RBM34: variants seen among roughly 807,000 people sequenced by gnomAD.
RBM34 encodes RNA-binding protein 34.
RBM34 carries 39 observed loss-of-function variants against 44.6 expected under a neutral mutation model. The ratio of observed to expected loss-of-function variants is 0.87; its 90% CI spans 0.68 to 1.14. The LOEUF (loss-of-function observed/expected upper bound fraction) is 1.14, where lower values mean the gene tolerates loss of function less well. RBM34 is among the 50% of genes most tolerant of loss of function. The pLI is 0.00. For synonymous variants in RBM34, 194 were observed against 184.0 expected, an observed-to-expected ratio of 1.05 and a Z score of -0.44; for missense variants, 572 against 517.9, an observed-to-expected ratio of 1.10 and a Z score of -1.01.
At chr1:235,159,773 C>G (rs1662616418) in intron 3 of RBM34, among the ~76,000 whole-genome samples, 1 of 147,508 alleles carries the variant, frequency 6.8e-6, no homozygotes, top group African/African-American at 2.5e-5. Flanking sequence ...AGGCCTGAGG[C>G]AGGAAAAATC....
chr1:235,154,285 A>G (rs1026320309), intron 4 of RBM34, among the ~76,000 whole-genome samples: 1 of 151,756 alleles, frequency 6.6e-6, no homozygotes, highest in African/African-American at 2.4e-5. Context: ...ATGATGAAAA[A>G]AGAGGATCAG....
chr1:235,146,510 C>T (rs985625363), intron 6 of RBM34, among the ~76,000 whole-genome samples: 6 of 152,052 alleles, frequency 3.9e-5, no homozygotes, highest in Non-Finnish European at 5.9e-5. Flanking sequence ...AACATCTATG[C>T]GTATCAGTTT....
intron 6 of RBM34, among the ~76,000 whole-genome samples, chr1:235,144,499 TAAA>T (rs67277220): frequency 9.1e-5 from 12 of 132,234 alleles, no homozygotes; most frequent in Non-Finnish European, 1.6e-5. Flanking sequence ...CTTAATAAAC[TAAA>T]AAAAAAAAAA....
chr1:235,148,164 C>T (rs1012684038), intron 6 of RBM34, among the ~76,000 whole-genome samples: 23 of 152,206 alleles, frequency 1.5e-4, no homozygotes, highest in Non-Finnish European at 2.9e-4. Context: ...TAAAAACATT[C>T]TTAAAATTTC....
rs999734669 is a variant in RBM34 at position 235,160,350 on chromosome 1, G to A, written c.365+161C>T. ...TAATTGCTGATGCTGAGTACACGGG[G>A]TTTCTTAGCCTTTTCAACTTTTCTA... On this transcript the variant is annotated intron_variant, in intron 3 of 10. Transcript: ENST00000408888. 29 of 915,974 alleles carry A rather than the reference G, an allele frequency of 3.2e-5. No homozygotes were observed. In the Admixed American group the frequency reaches 5.8e-4, roughly 18 times the overall value. 56.7% of individuals were successfully genotyped at this position (915,974 alleles called of 1,614,324 possible). A position where few individuals can be genotyped will look rare whatever the true frequency, so the allele number is the denominator to read the frequency against.
At chr1:235,151,487 C>T (rs1662155915) in intron 5 of RBM34, among the ~76,000 whole-genome samples, 2 of 152,242 alleles carry the variant, frequency 1.3e-5, no homozygotes, top group African/African-American at 4.8e-5. Flanking sequence ...CTTTGGGTAA[C>T]GTCTACTTCT....
chr1:235,158,936 A>G (rs1335856133), intron 3 of RBM34, among the ~76,000 whole-genome samples: 2 of 150,964 alleles, frequency 1.3e-5, no homozygotes, highest in African/African-American at 4.9e-5. Context: ...TGGGCAACAT[A>G]GCAAGACCCT....
intron 6 of RBM34, among the ~76,000 whole-genome samples, chr1:235,139,765 G>C (rs1661596208): frequency 6.6e-6 from 1 of 152,222 alleles, no homozygotes; most frequent in Non-Finnish European, 1.5e-5. Context: ...CCAGCAGCTA[G>C]AAGCTAAGGA....
chr1:235,140,937 C>T lies in RBM34; in HGVS notation c.702-2763G>A, dbSNP rs1661658060. ...GCTCAGGGATTGTAAATACACCAAT[C>T]AGCACTCTGTATCTAGCTCAAGGTT... On this transcript the variant is annotated intron_variant, in intron 6 of 10. Coordinates refer to ENST00000408888, the MANE Select transcript of RBM34 (RefSeq NM_015014.4). Among the ~76,000 whole-genome samples the T allele has an allele frequency of 2.0e-5, 3 of 152,076 alleles. No homozygotes were observed. In the South Asian group the frequency reaches 6.2e-4, roughly 32 times the overall value.
At position 235,131,888 on chromosome 1, in the gene RBM34, G is replaced by T. The variant is rs749691830; in HGVS notation, c.1118C>A (p.Ser373Ter). 26 of 1,613,934 alleles carry T rather than the reference G, an allele frequency of 1.6e-5. No homozygotes were observed. The highest frequency in any genetic ancestry group is 5.0e-5 in the Admixed American group (3 of 59,970). Reference sequence around the variant, plus strand: ...ACTGACATTCTTCAATCGTGGATTTGAATTTTGTTGTTTAAATTTTTCTTT... The same window carrying T: ...ACTGACATTCTTCAATCGTGGATTTTAATTTTGTTGTTTAAATTTTTCTTT... ...VNKEKFKQQN[S>*]NPRLKNVSKP... The change falls in exon 11 of 11, where the codon TCA becomes TAA. Residue 373 changes from serine to a stop codon, truncating the protein, a stop_gained. Transcript: ENST00000408888. LOFTEE classifies it high-confidence loss of function.
At chr1:235,155,374 C>G (rs1166552144) in intron 3 of RBM34, among the ~76,000 whole-genome samples, 1 of 151,700 alleles carries the variant, frequency 6.6e-6, no homozygotes, top group East Asian at 1.9e-4. Context: ...CAGGGTCTTG[C>G]TCTGTCACCC....
At chr1:235,148,759 C>T (rs867273336) in intron 5 of RBM34, among the ~76,000 whole-genome samples, 6 of 151,926 alleles carry the variant, frequency 3.9e-5, no homozygotes, top group East Asian at 2.0e-4. Flanking sequence ...CCACCACGCC[C>T]GGCTAATTTT....
intron 6 of RBM34, among the ~76,000 whole-genome samples, chr1:235,138,603 A>G (rs962973785): frequency 1.3e-5 from 2 of 152,168 alleles, no homozygotes; most frequent in Admixed American, 6.6e-5. Context: ...CAACAGCTCA[A>G]CGTGCCTTGT....
At chr1:235,152,245 C>A (rs538821628) in intron 5 of RBM34, among the ~76,000 whole-genome samples, 1 of 152,022 alleles carries the variant, frequency 6.6e-6, no homozygotes, top group Non-Finnish European at 1.5e-5. Flanking sequence ...CTGGTAAAAT[C>A]CAACTCACTT....
chr1:235,160,119 TG>T, intron 3 of RBM34: 1 of 324,828 alleles, frequency 3.1e-6, no homozygotes, highest in South Asian at 2.6e-5. Flanking sequence ...CTGGGCATGG[TG>T]ACGCAGGCCT....
chr1:235,149,876 A>C (rs992523130), intron 5 of RBM34, among the ~76,000 whole-genome samples: 1 of 152,242 alleles, frequency 6.6e-6, no homozygotes, highest in African/African-American at 2.4e-5. Flanking sequence ...TAGTAAAACT[A>C]TGAAATTTTA....
chr1:235,145,250 G>A (rs1162665226), intron 6 of RBM34, among the ~76,000 whole-genome samples: 1 of 150,138 alleles, frequency 6.7e-6, no homozygotes, highest in Non-Finnish European at 1.5e-5. Flanking sequence ...CCACACTCAG[G>A]TTTCCAACAA....
chr1:235,138,267 A>G (rs938594652), intron 6 of RBM34, 93 bp from the exon 7 acceptor site: 2 of 903,904 alleles, frequency 2.2e-6, no homozygotes, highest in African/African-American at 3.4e-5. Context: ...GCTGTTTTCA[A>G]CTCTTAACAC....
In RBM34 at chr1:235,161,235, CAA is replaced by C. The variant is rs1200099356; in HGVS notation, c.-11_-10del. 1.9e-6 allele frequency: 3 copies of C among 1,613,342 alleles called. No individual in the cohort carries two copies. In the African/African-American group the frequency reaches 4.0e-5, roughly 22 times the overall value. ...ATCCCTTCCAAGGCCATTCTTACTC[CAA>C]AGACTCCCAGACTGCAGCTGCGCGC... is the stretch of plus-strand genomic sequence containing the variant. On this transcript the variant is annotated 5_prime_UTR_variant, in exon 1 of 11. Coordinates refer to ENST00000408888, the MANE Select transcript of RBM34 (RefSeq NM_015014.4).
Sources: allele counts gnomAD v4.1 joint callset (sites outside exome capture counted in the v4.1 genomes callset), GRCh38; gene constraint gnomAD v4.1.1; transcripts MANE v1.5; gene names NCBI Gene and HGNC (gene_info 2026-07-23, HGNC 2026-07-21).